Variants in KCTD10 observed in about 807,000 individuals in gnomAD.
KCTD10 encodes the protein BTB/POZ domain-containing adapter for CUL3-mediated RhoA degradation protein 3.
Under a neutral mutation model 34.6 loss-of-function variants are expected in KCTD10, and 13 were observed. That is an observed-to-expected ratio of 0.38 (90% CI 0.24 to 0.60). The LOEUF is 0.60. Among genes scored for constraint, KCTD10 ranks in the 20% least tolerant of loss-of-function variants. The pLI is 0.66. For missense variants in KCTD10, 256 were observed against 420.3 expected (o/e 0.61, Z 3.42); for synonymous variants, 156 against 168.8 (o/e 0.92, Z 0.59).
intron 6 of KCTD10, among the ~76,000 whole-genome samples, chr12:109,454,535 C>T (rs1026344947): frequency 1.3e-5 from 2 of 152,138 alleles, no homozygotes; most frequent in African/African-American, 4.8e-5. Flanking sequence ...TCGAGACCAG[C>T]CTGGGCAACA....
Position 109,460,885 on chromosome 12 carries a change from G to C in KCTD10, c.218-80C>G, listed in dbSNP as rs540735362. 20 of 1,392,112 alleles carry C rather than the reference G, an allele frequency of 1.4e-5. No individual in the cohort carries two copies. In the African/African-American group the frequency reaches 3.0e-4, roughly 21 times the overall value. 86.2% of individuals were successfully genotyped at this position (1,392,112 alleles called of 1,614,324 possible). On this transcript the variant is annotated intron_variant, in intron 2 of 6. Coordinates refer to ENST00000228495, the MANE Select transcript of KCTD10 (RefSeq NM_031954.5). This position sits in a 1 kb window ranked among gnomAD's most constrained non-coding sequence, Gnocchi z 4.5. ...CCTGAGCAGAGCTGGGGTGTCTCTCGGCTCCCTCTACCTCCCAGCGGAGAG... is the reference window on the plus strand; with the variant it reads ...CCTGAGCAGAGCTGGGGTGTCTCTCCGCTCCCTCTACCTCCCAGCGGAGAG...
At chr12:109,458,203 T>C (rs1454424429) in intron 3 of KCTD10, 125 bp from the exon 4 acceptor site, 28 of 681,422 alleles carry the variant, frequency 4.1e-5, no homozygotes, top group Non-Finnish European at 6.7e-5. Context: ...AGAGAAGGAT[T>C]CTCACCACCA....
intron 1 of KCTD10, among the ~76,000 whole-genome samples, chr12:109,473,939 A>C (rs996425064): frequency 6.6e-6 from 1 of 151,760 alleles, no homozygotes; most frequent in African/African-American, 2.4e-5. Flanking sequence ...GCACCACCAC[A>C]CCTGGCTAAT....
At chr12:109,469,841 T>G in intron 1 of KCTD10, 113 bp from the exon 2 acceptor site, 2 of 1,476,496 alleles carry the variant, frequency 1.4e-6, no homozygotes, top group Middle Eastern at 1.8e-4. Flanking sequence ...ATACACAGCA[T>G]TTAAAAGTTT....
At chr12:109,473,350 C>T (rs543639038) in intron 1 of KCTD10, among the ~76,000 whole-genome samples, 2 of 152,318 alleles carry the variant, frequency 1.3e-5, no homozygotes, top group South Asian at 2.1e-4. Flanking sequence ...AGCCCTACCA[C>T]TTAGTAGCTG....
At chr12:109,471,863 A>G (rs930021940) in intron 1 of KCTD10, among the ~76,000 whole-genome samples, 1 of 152,222 alleles carries the variant, frequency 6.6e-6, no homozygotes, top group African/African-American at 2.4e-5. Context: ...GGTGCCTATC[A>G]TGAAACAGAC....
Position 109,456,249 on chromosome 12 carries a change from C to T in KCTD10, c.592G>A (p.Gly198Arg), listed in dbSNP as rs1873012382. The T allele has an allele frequency of 5.6e-6, 9 of 1,614,154 alleles. No individual in the cohort carries two copies. Among genetic ancestry groups the T allele is most frequent in the Admixed American group, 1.7e-5 (1 of 60,018 alleles). ...LFDKLSLRFN[G>R]RVLFIKDVIG... ...ACATCCTTTATGAACAGGACCCTTCCGTTAAAGCGCAGAGACAGCTTATCA... is the reference window on the plus strand; with the variant it reads ...ACATCCTTTATGAACAGGACCCTTCTGTTAAAGCGCAGAGACAGCTTATCA... The change falls in exon 6 of 7, where the codon GGA becomes AGA. Residue 198 changes from glycine to arginine, a missense_variant. Coordinates refer to ENST00000228495, the MANE Select transcript of KCTD10 (RefSeq NM_031954.5).
chr12:109,468,212 G>T (rs1463416645), intron 2 of KCTD10, among the ~76,000 whole-genome samples: 4 of 152,168 alleles, frequency 2.6e-5, no homozygotes, highest in Admixed American at 2.6e-4. Flanking sequence ...GAGTTCACAG[G>T]AAGCAGAACC....
intron 2 of KCTD10, among the ~76,000 whole-genome samples, chr12:109,467,935 G>A (rs1490425611): frequency 1.3e-5 from 2 of 152,202 alleles, no homozygotes; most frequent in African/African-American, 4.8e-5. Context: ...GAGGAGAAGA[G>A]CCTCAGCTTT....
At chr12:109,452,296 C>G (rs956811350) in intron 6 of KCTD10, among the ~76,000 whole-genome samples, 1 of 152,256 alleles carries the variant, frequency 6.6e-6, no homozygotes, top group Non-Finnish European at 1.5e-5. Context: ...CTTCTCCTAA[C>G]AGAGCTGCAA....
At chr12:109,464,658 T>G (rs567483833) in intron 2 of KCTD10, 1 of 313,374 alleles carries the variant, frequency 3.2e-6, no homozygotes, top group African/African-American at 2.2e-5. Context: ...AAGGCAAATG[T>G]GTAAGTAAGA....
chr12:109,462,777 T>G (rs1413157928), intron 2 of KCTD10, among the ~76,000 whole-genome samples: 1 of 152,206 alleles, frequency 6.6e-6, no homozygotes, highest in Non-Finnish European at 1.5e-5. Flanking sequence ...GTGAATTCCC[T>G]GATTTTTAAA....
chr12:109,470,281 C>A, intron 1 of KCTD10: 1 of 985,106 alleles, frequency 1.0e-6, no homozygotes, highest in African/African-American at 1.7e-5. Flanking sequence ...TTCCAGCTGG[C>A]ACTCCTATCA....
intron 2 of KCTD10, among the ~76,000 whole-genome samples, chr12:109,463,817 G>A (rs954063014): frequency 3.3e-5 from 5 of 152,270 alleles, no homozygotes; most frequent in Middle Eastern, 3.4e-3. Flanking sequence ...ATGAAAGAAC[G>A]TACAGAAGGC....
chr12:109,457,898 G>T, intron 4 of KCTD10, 94 bp downstream of exon 4: 1 of 1,165,504 alleles, frequency 8.6e-7, no homozygotes, highest in African/African-American at 1.5e-5. Flanking sequence ...CCTCACTCAG[G>T]CAATTATACA....
intron 2 of KCTD10, among the ~76,000 whole-genome samples, chr12:109,468,200 C>T (rs1462021870): frequency 6.6e-6 from 1 of 152,134 alleles, no homozygotes; most frequent in African/African-American, 2.4e-5. Flanking sequence ...GAACAGAAAC[C>T]GGAGTTCACA....
In KCTD10 at chr12:109,457,540, A is replaced by T. The variant is rs949237704; in HGVS notation, c.527+90T>A. The T allele has an allele frequency of 3.6e-6, 4 of 1,099,496 alleles. No homozygotes were observed. The African/African-American group carries it at 6.2e-5, about 17-fold the overall frequency. 68.1% of individuals were successfully genotyped at this position (1,099,496 alleles called of 1,614,324 possible). On this transcript the variant is annotated intron_variant, in intron 5 of 6. Transcript: ENST00000228495. The stretch of plus-strand genomic sequence containing the variant: ...AGAGAGGTACAGAGGGGTCATCCTC[A>T]TCTGAAGGTACGAAGAAGAGCTGGG...
Position 109,458,050 on chromosome 12 carries a change from T to C in KCTD10, c.416A>G (p.Lys139Arg), listed in dbSNP as rs1336653560. The C allele has an allele frequency of 1.2e-6, 2 of 1,614,082 alleles. No individual in the cohort carries two copies. The highest frequency in any genetic ancestry group is 1.7e-6 in the Non-Finnish European group (2 of 1,180,004). ...QNKDTYEPFC[K>R]VPVITSSKEE... ...CTTGGATGAGGTGATCACAGGGACCTTGCAGAAAGGCTCATAAGTATCTTT... is the reference window on the plus strand; with the variant it reads ...CTTGGATGAGGTGATCACAGGGACCCTGCAGAAAGGCTCATAAGTATCTTT... The change falls in exon 4 of 7, where the codon AAG becomes AGG. Residue 139 changes from lysine to arginine, a missense_variant. Physicochemically the swap from Lys to Arg is conservative, Grantham distance 26 (BLOSUM62 2). Transcript: ENST00000228495.
chr12:109,458,274 G>A, intron 3 of KCTD10, 196 bp from the exon 4 acceptor site: 1 of 574,152 alleles, frequency 1.7e-6, no homozygotes, highest in Non-Finnish European at 3.1e-6. Flanking sequence ...CTTTGGCTAT[G>A]ACCATGATAG....
Sources: allele counts gnomAD v4.1 joint callset (sites outside exome capture counted in the v4.1 genomes callset), GRCh38; gene constraint gnomAD v4.1.1; non-coding constraint Gnocchi (gnomAD v3.1); transcripts MANE v1.5; gene names NCBI Gene and HGNC (gene_info 2026-07-23, HGNC 2026-07-21).